The following CDK14 variants were observed in gnomAD, a reference collection of about 807,000 sequenced individuals.
CDK14 encodes cyclin dependent kinase 14.
Under a neutral mutation model 60.7 loss-of-function variants are expected in CDK14, and 34 were observed. That is an observed-to-expected ratio of 0.56 (90% confidence interval 0.43 to 0.75). The LOEUF is 0.75. Among genes scored for constraint, CDK14 ranks in the 30% least tolerant of loss-of-function variants. The pLI is 0.00. For missense variants in CDK14, 482 were observed against 564.1 expected (o/e 0.85, Z 1.47); for synonymous variants, 197 against 203.7 (o/e 0.97, Z 0.28).
chr7:90,773,117 T>C (rs1236005289), intron 4 of CDK14, among the ~76,000 whole-genome samples: 1 of 152,238 alleles, frequency 6.6e-6, no homozygotes, highest in African/African-American at 2.4e-5. Context: ...CCTCCAAGAA[T>C]AATGACACTA....
chr7:90,788,563 G>A (rs537772118), intron 4 of CDK14, among the ~76,000 whole-genome samples: 4 of 152,304 alleles, frequency 2.6e-5, no homozygotes, highest in Non-Finnish European at 4.4e-5. Context: ...GAGATGGTAC[G>A]TTGTGGAGCC....
At chr7:90,835,846 T>A (rs894763996) in intron 5 of CDK14, among the ~76,000 whole-genome samples, 1 of 152,216 alleles carries the variant, frequency 6.6e-6, no homozygotes, top group African/African-American at 2.4e-5. Context: ...GCTTTGTACA[T>A]ACCTAGGCTA....
chr7:91,175,981 T>C (rs2115838827), intron 14 of CDK14, among the ~76,000 whole-genome samples: 1 of 152,150 alleles, frequency 6.6e-6, no homozygotes, highest in Non-Finnish European at 1.5e-5. Flanking sequence ...TACAGAACTC[T>C]CCACCCCAAA....
intron 3 of CDK14, among the ~76,000 whole-genome samples, chr7:90,737,158 C>G (rs965880426): frequency 6.6e-6 from 1 of 152,170 alleles, no homozygotes; most frequent in African/African-American, 2.4e-5. Flanking sequence ...TCCTCTAACC[C>G]AGCTGTGCTC....
At chr7:90,599,873 T>C (rs1029333898) in intron 1 of CDK14, among the ~76,000 whole-genome samples, 11 of 152,252 alleles carry the variant, frequency 7.2e-5, no homozygotes, top group Non-Finnish European at 1.5e-4. Context: ...TGAGGAAATA[T>C]TTGAAAGTAT....
At chr7:90,917,826 G>A in intron 8 of CDK14, 102 bp downstream of exon 8, 1 of 1,160,178 alleles carries the variant, frequency 8.6e-7, no homozygotes, top group African/African-American at 1.5e-5. Context: ...TATCATCATA[G>A]ATCCTGGTAA....
chr7:90,821,845 C>T (rs1789561785), intron 5 of CDK14, among the ~76,000 whole-genome samples: 1 of 152,148 alleles, frequency 6.6e-6, no homozygotes. Flanking sequence ...TCCCTCCAGT[C>T]CATTAAGGGT....
intron 11 of CDK14, among the ~76,000 whole-genome samples, chr7:91,060,208 G>A (rs1218926308): frequency 4.0e-5 from 6 of 150,780 alleles, no homozygotes; most frequent in East Asian, 1.9e-4. Flanking sequence ...TTTATCCGAG[G>A]CTAGGATTGC....
At chr7:90,949,656 A>G (rs771931992) in intron 8 of CDK14, among the ~76,000 whole-genome samples, 10 of 152,174 alleles carry the variant, frequency 6.6e-5, no homozygotes. Flanking sequence ...CTTTTTATTT[A>G]TGTTCAAAGA....
chr7:90,828,338 AC>A (rs1175380190), intron 5 of CDK14, among the ~76,000 whole-genome samples: 1 of 152,164 alleles, frequency 6.6e-6, no homozygotes, highest in African/African-American at 2.4e-5. Context: ...GATGCTTGAC[AC>A]CATTTTGTAT....
At chr7:90,806,099 A>G (rs1404535311) in intron 5 of CDK14, among the ~76,000 whole-genome samples, 1 of 152,210 alleles carries the variant, frequency 6.6e-6, no homozygotes, top group African/African-American at 2.4e-5. Flanking sequence ...GCAAAAAGAT[A>G]TACACCCTTA....
At chr7:90,985,567 C>T (rs918883441) in intron 10 of CDK14, among the ~76,000 whole-genome samples, 1 of 152,086 alleles carries the variant, frequency 6.6e-6, no homozygotes, top group African/African-American at 2.4e-5. Flanking sequence ...GTAAGCGCAA[C>T]GTTTAAATAC....
intron 12 of CDK14, among the ~76,000 whole-genome samples, chr7:91,087,770 T>C (rs28651491): frequency 0.017 from 2,536 of 152,272 alleles, 73 homozygotes; most frequent in African/African-American, 0.058. Flanking sequence ...AATATTCTTT[T>C]TACCTTCTTA....
intron 14 of CDK14, among the ~76,000 whole-genome samples, chr7:91,158,704 T>C (rs1801068706): frequency 6.6e-6 from 1 of 152,208 alleles, no homozygotes; most frequent in South Asian, 2.1e-4. Context: ...TGAGAGGTTG[T>C]TCTAAGGCAG....
chr7:91,142,041 G>T lies in CDK14; in HGVS notation c.*28+23833G>T, dbSNP rs114691747. 5.4e-3 allele frequency among the ~76,000 whole-genome samples: 822 copies of T among 152,236 alleles called. 7 individuals are homozygous for T. Among genetic ancestry groups the T allele is most frequent in the African/African-American group, 0.018 (761 of 41,538 alleles). On this transcript the variant is annotated intron_variant, in intron 14 of 14. Transcript: ENST00000380050. ...GGGGTTTCACCATGTTAGCAGGACG[G>T]TCTCAATCTCCTGACCTCGTGATCT...
chr7:91,088,786 A>T (rs1381867281), intron 12 of CDK14, among the ~76,000 whole-genome samples: 1 of 152,176 alleles, frequency 6.6e-6, no homozygotes, highest in East Asian at 1.9e-4. Flanking sequence ...ACTTCCCTTA[A>T]ATTATTCAAA....
At chr7:91,029,135 TG>T (rs1169011748) in intron 10 of CDK14, among the ~76,000 whole-genome samples, 1 of 152,168 alleles carries the variant, frequency 6.6e-6, no homozygotes, top group Non-Finnish European at 1.5e-5. Context: ...AATTGACTTT[TG>T]TATATGGTGA....
intron 9 of CDK14, among the ~76,000 whole-genome samples, chr7:90,977,768 A>AG (rs1010471255): frequency 9.2e-5 from 14 of 152,232 alleles, no homozygotes; most frequent in African/African-American, 3.4e-4. Context: ...CAGAATAGCC[A>AG]GGGGGAAGGA....
chr7:90,898,329 T>C (rs1562819094), intron 6 of CDK14, among the ~76,000 whole-genome samples: 1 of 152,104 alleles, frequency 6.6e-6, no homozygotes, highest in South Asian at 2.1e-4. Flanking sequence ...ATTTCTGCAT[T>C]GTATCCTCAG....
Sources: gnomAD v4.1 joint callset for allele counts (sites outside exome capture counted in the v4.1 genomes callset) on GRCh38, gnomAD v4.1.1 for gene constraint, MANE v1.5 for transcripts, NCBI Gene and HGNC (gene_info 2026-07-23, HGNC 2026-07-21) for gene names.